ADGRE1: variants seen among roughly 807,000 people sequenced by gnomAD.
ADGRE1 encodes the protein EGF-like module receptor 1.
Under a neutral mutation model 102.7 loss-of-function variants are expected in ADGRE1, and 82 were observed. The observed-to-expected ratio is 0.80, with a 90% CI of 0.67 to 0.96. ADGRE1 has a LOEUF of 0.96. Among genes scored for constraint, ADGRE1 ranks in the 40% least tolerant of loss-of-function variants. The pLI is 0.00. For missense variants in ADGRE1, 1,032 were observed against 1,085.3 expected, an observed-to-expected ratio of 0.95 and a Z score of 0.69; for synonymous variants, 398 against 399.6, an observed-to-expected ratio of 1.00 and a Z score of 0.05.
chr19:6,901,935 T>G lies in ADGRE1; in HGVS notation c.575T>G (p.Val192Gly). 14 of 1,614,226 alleles carry G rather than the reference T, an allele frequency of 8.7e-6. No homozygotes were observed. The highest frequency in any genetic ancestry group is 1.2e-5 in the Non-Finnish European group (14 of 1,180,036). Residue 192 changes from valine to glycine, a missense_variant, in exon 6 of 21, where the codon GTT (valine) becomes GGT (glycine). Transcript: ENST00000312053. Reference sequence around the variant, plus strand: ...GAGCATGCAACTTGTAATAACACTGTTGGAAACTACTCTTGTTTCTGCAAC... The same window carrying G: ...GAGCATGCAACTTGTAATAACACTGGTGGAAACTACTCTTGTTTCTGCAAC... ...CPEHATCNNT[V>G]GNYSCFCNPG... is the part of the protein sequence containing the mutation.
rs184508733 is a variant in ADGRE1 at position 6,889,995 on chromosome 19, C to T, written c.32-486C>T. On this transcript the variant is annotated intron_variant, in intron 1 of 20. Transcript: ENST00000312053. ...TGGCATGATCTTGGCTCACTGCAGT[C>T]TCTATCTCCTGGGCTCAAGCAATCC... Among the ~76,000 whole-genome samples, 11 of 152,152 alleles carry T rather than the reference C, an allele frequency of 7.2e-5. No homozygotes were observed. The East Asian group carries it at 1.7e-3, about 24-fold the overall frequency.
Position 6,924,766 on chromosome 19 carries a change from G to T in ADGRE1, c.1880G>T (p.Cys627Phe). Residue 627 changes from cysteine (C) to phenylalanine (F), a missense_variant, in exon 15 of 21, where the codon TGT (cysteine) becomes TTT (phenylalanine). Physicochemically the swap from Cys to Phe is radical, Grantham distance 205. Coordinates refer to ENST00000312053, the MANE Select transcript of ADGRE1 (RefSeq NM_001974.5). Reference sequence around the variant, plus strand: ...TTGGCCATCGCCACCTTTCTGCTGTGTCGCTCCATCCGAAATCACAACACC... The same window carrying T: ...TTGGCCATCGCCACCTTTCTGCTGTTTCGCTCCATCCGAAATCACAACACC... ...LVLAIATFLLCRSIRNHNTYL... is the reference protein window; with the variant it reads ...LVLAIATFLLFRSIRNHNTYL... 6.2e-7 allele frequency: 1 copy of T among 1,614,072 alleles called. No homozygotes were observed. Among genetic ancestry groups the T allele is most frequent in the Non-Finnish European group, 8.5e-7 (1 of 1,180,028 alleles).
intron 5 of ADGRE1, among the ~76,000 whole-genome samples, chr19:6,900,154 A>C (rs1973713648): frequency 6.6e-6 from 1 of 151,980 alleles, no homozygotes; most frequent in Non-Finnish European, 1.5e-5. Context: ...TAAAGCAGTC[A>C]TCACACCTTG....
At chr19:6,924,932 T>C (rs1345985198) in intron 15 of ADGRE1, 60 bp downstream of exon 15, 5 of 1,566,454 alleles carry the variant, frequency 3.2e-6, no homozygotes, top group Non-Finnish European at 4.4e-6. Flanking sequence ...CTGCCTCAGC[T>C]CATTCCTAGC....
At chr19:6,905,608 C>T (rs991434710) in intron 8 of ADGRE1, among the ~76,000 whole-genome samples, 1 of 152,044 alleles carries the variant, frequency 6.6e-6, no homozygotes, top group African/African-American at 2.4e-5. Flanking sequence ...ACCTCAGCCT[C>T]TCAAAGTGCT....
At chr19:6,911,872 CCA>C (rs956013641) in intron 10 of ADGRE1, among the ~76,000 whole-genome samples, 6 of 150,538 alleles carry the variant, frequency 4.0e-5, no homozygotes, top group African/African-American at 1.5e-4. Context: ...TACACACACC[CCA>C]CACACATTTA....
chr19:6,899,640 A>G (rs1320032664), intron 5 of ADGRE1, among the ~76,000 whole-genome samples: 1 of 151,774 alleles, frequency 6.6e-6, no homozygotes, highest in Non-Finnish European at 1.5e-5. Context: ...AGATTGTGCC[A>G]TTGCACTCCA....
At chr19:6,913,610 TGAGA>T (rs754961038) in intron 10 of ADGRE1, 39 bp from the exon 11 acceptor site, 32 of 1,469,640 alleles carry the variant, frequency 2.2e-5, no homozygotes, top group Middle Eastern at 3.6e-4. Flanking sequence ...ATTTCATTAA[TGAGA>T]GAGAGAGAGA....
At chr19:6,925,697 T>C (rs1401062386) in intron 15 of ADGRE1, among the ~76,000 whole-genome samples, 1 of 139,926 alleles carries the variant, frequency 7.1e-6, no homozygotes, top group Non-Finnish European at 1.5e-5. Flanking sequence ...TTTTTTTAAA[T>C]TTTTAATTTT....
chr19:6,938,468 G>C (rs201406591), intron 20 of ADGRE1, among the ~76,000 whole-genome samples: 1 of 78,042 alleles, frequency 1.3e-5, no homozygotes, highest in South Asian at 3.9e-4. Context: ...ATATGCAAAT[G>C]GAGGCAAAGC....
At chr19:6,926,172 G>A (rs186074692) in intron 15 of ADGRE1, among the ~76,000 whole-genome samples, 194 bp from the exon 16 acceptor site, 36 of 152,290 alleles carry the variant, frequency 2.4e-4, no homozygotes, top group African/African-American at 7.5e-4. Flanking sequence ...AGACAAACCA[G>A]GACCATGGGT....
intron 8 of ADGRE1, 103 bp from the exon 9 acceptor site, chr19:6,906,329 AT>A: frequency 1.1e-6 from 1 of 930,862 alleles, no homozygotes; most frequent in Non-Finnish European, 1.7e-6. Context: ...AGGGTAATAG[AT>A]GGATTTTAAG....
At chr19:6,937,109 A>C in intron 18 of ADGRE1, 134 bp from the exon 19 acceptor site, 1 of 940,262 alleles carries the variant, frequency 1.1e-6, no homozygotes, top group Non-Finnish European at 1.6e-6. Context: ...CTAGGCTTGG[A>C]GACCCCACCC....
chr19:6,893,393 G>T (rs1372240003), intron 2 of ADGRE1, among the ~76,000 whole-genome samples: 3 of 151,908 alleles, frequency 2.0e-5, no homozygotes, highest in Non-Finnish European at 4.4e-5. Context: ...AGAGACGGGG[G>T]CTTCTTCATG....
rs757536806 is a variant in ADGRE1 at position 6,913,639 on chromosome 19, A to G, written c.1123-14A>G. 6 of 1,566,032 alleles carry G rather than the reference A, an allele frequency of 3.8e-6. No individual in the cohort carries two copies. The African/African-American group carries it at 8.2e-5, about 21-fold the overall frequency. On this transcript the variant is annotated splice_polypyrimidine_tract_variant and intron_variant, in intron 10 of 20. Transcript: ENST00000312053. ...AGAGAGAGAGAGAATGAACAAACAC[A>G]TCTTTCCTTGCAGAATACAACTGAG...
rs1231752620 is a variant in ADGRE1, at chr19:6,928,166, AG to A, written c.2247del (p.Phe750SerfsTer13). 6.2e-7 allele frequency: 1 copy of A among 1,614,098 alleles called. No homozygotes were observed. The highest frequency in any genetic ancestry group is 8.5e-7 in the Non-Finnish European group (1 of 1,179,982). ...ACAGCTGCTGGCTGAATACAGAGAC[AG>A]GGTTCATCTGGAGTTTCTTGGGGCC... ...HNRCWLNTET[G>X]FIWSFLGPVC... On this transcript the variant is annotated frameshift_variant, in exon 17 of 21. Coordinates refer to ENST00000312053, the MANE Select transcript of ADGRE1 (RefSeq NM_001974.5). LOFTEE classifies it high-confidence loss of function.
chr19:6,910,226 T>C (rs1974119725), intron 10 of ADGRE1, among the ~76,000 whole-genome samples: 1 of 152,082 alleles, frequency 6.6e-6, no homozygotes, highest in Admixed American at 6.5e-5. Context: ...TTTTGATAAA[T>C]GATTAATCCT....
chr19:6,939,157 G>A (rs985960645), intron 20 of ADGRE1, among the ~76,000 whole-genome samples: 1 of 152,128 alleles, frequency 6.6e-6, no homozygotes, highest in Admixed American at 6.6e-5. Flanking sequence ...ATTTCAGAAT[G>A]AGCCACAGGA....
At chr19:6,932,124 G>A (rs1228527387) in intron 17 of ADGRE1, among the ~76,000 whole-genome samples, 1 of 152,130 alleles carries the variant, frequency 6.6e-6, no homozygotes, top group Non-Finnish European at 1.5e-5. Context: ...AAGGTGTAGA[G>A]TCCACCAAAT....
Sources: allele counts gnomAD v4.1 joint callset (sites outside exome capture counted in the v4.1 genomes callset), GRCh38; gene constraint gnomAD v4.1.1; transcripts MANE v1.5; gene names NCBI Gene and HGNC (gene_info 2026-07-23, HGNC 2026-07-21).